PUM2: variants seen among roughly 807,000 people sequenced by gnomAD.
PUM2 encodes pumilio RNA binding family member 2.
A neutral mutation model predicts 124.5 loss-of-function variants in PUM2; 57 were observed. The observed-to-expected ratio is 0.46, with a 90% CI of 0.37 to 0.57. The LOEUF is 0.57. PUM2 is among the 20% of genes least tolerant of loss of function. The pLI is 0.00. For synonymous variants in PUM2, 460 were observed against 446.1 expected (o/e 1.03, Z -0.39); for missense variants, 1,065 against 1,290.6 (o/e 0.83, Z 2.68).
At chr2:20,334,470 A>G (rs1007472733) in intron 1 of PUM2, among the ~76,000 whole-genome samples, 1 of 152,252 alleles carries the variant, frequency 6.6e-6, no homozygotes, top group African/African-American at 2.4e-5. Context: ...TCACACTTTT[A>G]TAATCTTGTA....
chr2:20,324,938 T>TA (rs35178527), intron 2 of PUM2, among the ~76,000 whole-genome samples: 46,163 of 141,786 alleles, frequency 0.33, 7,773 homozygotes, highest in East Asian at 0.71. Flanking sequence ...CGTTTTGCAT[T>TA]AAAAAAAAAA....
Position 20,349,528 on chromosome 2 carries a change from T to A in PUM2, c.-19+1069A>T, listed in dbSNP as rs866518400. ...AAAATACTCATTTTTGTTTTTTTTT[T>A]TTTATTTACAGGATTCCTTAAGTCA... On this transcript the variant is annotated intron_variant, in intron 1 of 20. Coordinates refer to ENST00000361078, the MANE Select transcript of PUM2 (RefSeq NM_015317.5). Among the ~76,000 whole-genome samples, 6 of 152,218 alleles carry A rather than the reference T, an allele frequency of 3.9e-5. No individual in the cohort carries two copies. In the South Asian group the frequency reaches 8.3e-4, roughly 21 times the overall value.
intron 5 of PUM2, among the ~76,000 whole-genome samples, chr2:20,310,015 T>C (rs1222724205): frequency 6.6e-6 from 1 of 152,084 alleles, no homozygotes; most frequent in Non-Finnish European, 1.5e-5. Context: ...ACTAAAAGCA[T>C]TTTCTTTAAA....
At chr2:20,269,196 T>C (rs1231314057) in intron 13 of PUM2, among the ~76,000 whole-genome samples, 1 of 151,708 alleles carries the variant, frequency 6.6e-6, no homozygotes, top group African/African-American at 2.4e-5. Context: ...ATTTTAATAA[T>C]AATAATAATT....
rs1664408641 is a variant in PUM2, at chr2:20,254,948, C to G, written c.2785G>C (p.Glu929Gln). The G allele has an allele frequency of 6.2e-7, 1 of 1,613,592 alleles. No homozygotes were observed. Among genetic ancestry groups the G allele is most frequent in the African/African-American group, 1.3e-5 (1 of 74,878 alleles). ...YGNYVIQHVL[E>Q]HGRPEDKSKI... ...CTCTTGTCTTCAGGTCGACCGTGTT[C>G]CAGTACATGCTGAATAACATAATTG... The change falls in exon 19 of 21, where the codon GAA becomes CAA. Residue 929 changes from glutamate (E) to glutamine (Q), a missense_variant. By Grantham distance (29) the Glu-to-Gln change is conservative. Around this residue, in one of 3 missense-constraint regions of PUM2, gnomAD observed 968 missense variants for 1,159.8 expected, o/e 0.83. Coordinates refer to ENST00000361078, the MANE Select transcript of PUM2 (RefSeq NM_015317.5).
chr2:20,305,986 C>T (rs940743649), intron 7 of PUM2, among the ~76,000 whole-genome samples: 1 of 152,068 alleles, frequency 6.6e-6, no homozygotes, highest in African/African-American at 2.4e-5. Context: ...TTTGGAAGGC[C>T]GAGGTGGGTG....
rs139975498 is a variant in PUM2, at chr2:20,305,848, T to G, written c.883+2130A>C. The stretch of plus-strand genomic sequence containing the variant: ...TTAGAATGAAATATGCAAACCCCTA[T>G]GAGAAAAATTTTAAAGCACTCAAAT... On this transcript the variant is annotated intron_variant, in intron 7 of 20. Coordinates refer to ENST00000361078, the MANE Select transcript of PUM2 (RefSeq NM_015317.5). Among the ~76,000 whole-genome samples, 26 of 152,138 alleles carry G rather than the reference T, an allele frequency of 1.7e-4. No individual in the cohort carries two copies. In the South Asian group the frequency reaches 5.2e-3, roughly 30 times the overall value.
intron 19 of PUM2, among the ~76,000 whole-genome samples, chr2:20,254,526 T>C (rs1440972850): frequency 6.6e-6 from 1 of 152,140 alleles, no homozygotes; most frequent in Non-Finnish European, 1.5e-5. Context: ...ACAAGTTTAA[T>C]TACAGGTCTC....
intron 1 of PUM2, among the ~76,000 whole-genome samples, chr2:20,336,772 GTGTGTGTGTGTGTGTGTGTGTGT>G (rs1686186983): frequency 1.5e-5 from 2 of 131,738 alleles, no homozygotes; most frequent in African/African-American, 5.8e-5. Context: ...GTGTGTGTGT[GTGTGTGTGTGTGTGTGTGTGTGT>G]GTGTGTGGTA....
chr2:20,294,625 A>G, intron 8 of PUM2, 107 bp from the exon 9 acceptor site: 1 of 1,261,200 alleles, frequency 7.9e-7, no homozygotes, highest in Non-Finnish European at 1.1e-6. Flanking sequence ...GAAGACTTAG[A>G]GAAGAACATG....
intron 14 of PUM2, among the ~76,000 whole-genome samples, chr2:20,261,851 C>G (rs1666377158): frequency 6.6e-6 from 1 of 152,006 alleles, no homozygotes; most frequent in African/African-American, 2.4e-5. Flanking sequence ...TATTACAAGT[C>G]AGTAAGTTAA....
At chr2:20,297,501 A>G (rs975542543) in intron 8 of PUM2, 52 bp downstream of exon 8, 5 of 1,437,366 alleles carry the variant, frequency 3.5e-6, no homozygotes, top group Non-Finnish European at 4.7e-6. Context: ...TACACCCAAA[A>G]CTAAATACAT....
chr2:20,333,885 C>T (rs1038710567), intron 1 of PUM2, among the ~76,000 whole-genome samples: 2 of 152,084 alleles, frequency 1.3e-5, no homozygotes, highest in African/African-American at 4.8e-5. Flanking sequence ...CTCAGTGCTA[C>T]TCTTGTGATA....
upstream of PUM2, among the ~76,000 whole-genome samples, chr2:20,351,189 G>A (rs1263122614): frequency 6.6e-6 from 1 of 152,184 alleles, no homozygotes; most frequent in Non-Finnish European, 1.5e-5. Flanking sequence ...TTCCTACCCG[G>A]TTGCTCACTG....
At chr2:20,260,192 C>CAA (rs1665832003) in intron 15 of PUM2, 145 bp downstream of exon 15, 1 of 868,508 alleles carries the variant, frequency 1.2e-6, no homozygotes, top group Admixed American at 3.3e-5. Context: ...AAATGTTTAC[C>CAA]GCATATATAA....
intron 9 of PUM2, among the ~76,000 whole-genome samples, chr2:20,294,133 T>G (rs1181991011): frequency 6.6e-6 from 1 of 152,168 alleles, no homozygotes; most frequent in African/African-American, 2.4e-5. Flanking sequence ...TAGAAACTGC[T>G]AGAGATTTCA....
rs546945317 is a variant in PUM2, at chr2:20,283,596, T to C, written c.1292-110A>G. On this transcript the variant is annotated intron_variant, in intron 10 of 20. Coordinates refer to ENST00000361078, the MANE Select transcript of PUM2 (RefSeq NM_015317.5). ...CTAGACAACACAGCTATTTGTACCA[T>C]TACTATAAAATCCTTAGTTAATATA... 4.2e-4 allele frequency: 464 copies of C among 1,115,928 alleles called. 3 individuals are homozygous for C. In the African/African-American group the frequency reaches 6.5e-3, roughly 16 times the overall value. 69.1% of individuals were successfully genotyped at this position (1,115,928 alleles called of 1,614,324 possible). A position where few individuals can be genotyped will look rare whatever the true frequency, so the allele number is the denominator to read the frequency against.
At chr2:20,251,803 G>A in intron 20 of PUM2, 87 bp from the exon 21 acceptor site, 1 of 1,470,866 alleles carries the variant, frequency 6.8e-7, no homozygotes, top group Non-Finnish European at 9.3e-7. Flanking sequence ...GGGTAATTTA[G>A]AGGAATAACT....
At chr2:20,332,323 T>TGTGTGTGTGTGTGTGTG in intron 1 of PUM2, among the ~76,000 whole-genome samples, 1 of 116,820 alleles carries the variant, frequency 8.6e-6, no homozygotes, top group Non-Finnish European at 1.9e-5. Flanking sequence ...GTGTGTGTGT[T>TGTGTGTGTGTGTGTGTG]TAAACGAATG....
Sources: allele counts gnomAD v4.1 joint callset (sites outside exome capture counted in the v4.1 genomes callset), GRCh38; gene constraint gnomAD v4.1.1; regional missense constraint gnomAD v4.1.1; transcripts MANE v1.5; gene names NCBI Gene and HGNC (gene_info 2026-07-23, HGNC 2026-07-21).